Variants in ROBO2 observed in about 807,000 individuals in gnomAD.
The protein encoded by ROBO2 is roundabout homolog 2.
ROBO2 carries 53 observed loss-of-function variants against 160.8 expected under a neutral mutation model. The ratio of observed to expected loss-of-function variants is 0.33; its 90% CI spans 0.26 to 0.41. The LOEUF (loss-of-function observed/expected upper bound fraction) is 0.41, where lower values mean the gene tolerates loss of function less well. Among genes scored for constraint, ROBO2 ranks in the 10% least tolerant of loss-of-function variants. ROBO2 has a pLI of 1.00. For synonymous variants in ROBO2, 664 were observed against 611.7 expected, an observed-to-expected ratio of 1.09 and a Z score of -1.26; for missense variants, 1,577 against 1,722.4, an observed-to-expected ratio of 0.92 and a Z score of 1.49.
At chr3:76,511,496 G>C (rs2081087235) in intron 2 of ROBO2, among the ~76,000 whole-genome samples, 2 of 152,098 alleles carry the variant, frequency 1.3e-5, no homozygotes, top group South Asian at 4.1e-4. Context: ...CCCAAAATGT[G>C]GCTTTATTAA....
intron 2 of ROBO2, among the ~76,000 whole-genome samples, chr3:76,024,876 T>C (rs577246756): frequency 2.0e-5 from 3 of 151,390 alleles, no homozygotes; most frequent in Admixed American, 1.3e-4. Flanking sequence ...CAGCAATCTC[T>C]AAGCAGTGAC....
At chr3:76,663,147 C>G (rs2091895117) in intron 2 of ROBO2, among the ~76,000 whole-genome samples, 1 of 152,102 alleles carries the variant, frequency 6.6e-6, no homozygotes, top group Non-Finnish European at 1.5e-5. Flanking sequence ...AATAAAATAT[C>G]CTGGATGTGA....
At chr3:75,981,131 T>C (rs2065263288) in intron 2 of ROBO2, among the ~76,000 whole-genome samples, 1 of 151,528 alleles carries the variant, frequency 6.6e-6, no homozygotes, top group Non-Finnish European at 1.5e-5. Context: ...TTTTCTGTAT[T>C]ATGCAAGATT....
chr3:76,596,668 A>T (rs1050079270), intron 2 of ROBO2, among the ~76,000 whole-genome samples: 1 of 152,102 alleles, frequency 6.6e-6, no homozygotes, highest in Non-Finnish European at 1.5e-5. Context: ...GGTAGTAAGA[A>T]TATCACATTC....
At chr3:77,629,203 G>A (rs2095103568) in intron 23 of ROBO2, 1 of 152,188 alleles carries the variant, frequency 6.6e-6, no homozygotes, top group African/African-American at 2.4e-5. Flanking sequence ...GTTACCACAG[G>A]GAGATAAACA....
chr3:77,535,717 A>G (rs2092051823), intron 6 of ROBO2, among the ~76,000 whole-genome samples: 1 of 152,202 alleles, frequency 6.6e-6, no homozygotes, highest in South Asian at 2.1e-4. Context: ...CTGGTAAAGT[A>G]CAGAATAATA....
At chr3:76,813,932 C>G (rs2065427688) in intron 2 of ROBO2, among the ~76,000 whole-genome samples, 1 of 152,040 alleles carries the variant, frequency 6.6e-6, no homozygotes. Flanking sequence ...ATATAGCAAT[C>G]TTTTCAATAA....
intron 2 of ROBO2, among the ~76,000 whole-genome samples, chr3:75,964,032 G>C (rs537339000): frequency 6.6e-6 from 1 of 151,666 alleles, no homozygotes; most frequent in Admixed American, 6.6e-5. Flanking sequence ...GGGGAGCAGC[G>C]TTCAGCCCAT....
At chr3:77,081,257 T>C (rs2068622890) in intron 1 of ROBO2, among the ~76,000 whole-genome samples, 1 of 152,186 alleles carries the variant, frequency 6.6e-6, no homozygotes, top group Non-Finnish European at 1.5e-5. Flanking sequence ...TTCTTTACAA[T>C]CCAAGGGGCA....
At chr3:76,597,246 A>G (rs1169981077) in intron 2 of ROBO2, among the ~76,000 whole-genome samples, 1 of 150,370 alleles carries the variant, frequency 6.7e-6, no homozygotes, top group Non-Finnish European at 1.5e-5. Context: ...TTCATAAAAG[A>G]AAAAATTAAT....
intron 2 of ROBO2, among the ~76,000 whole-genome samples, chr3:77,423,427 C>T (rs2077893673): frequency 6.6e-6 from 1 of 152,090 alleles, no homozygotes; most frequent in Non-Finnish European, 1.5e-5. Flanking sequence ...TTAAAATAAA[C>T]AATTATTAAG....
chr3:77,349,304 T>C (rs191626257), intron 2 of ROBO2, among the ~76,000 whole-genome samples: 3 of 152,248 alleles, frequency 2.0e-5, no homozygotes, highest in African/African-American at 4.8e-5. Context: ...TTGCCCAGGG[T>C]CACAAAACTA....
chr3:76,429,538 A>G (rs562721258), intron 2 of ROBO2, among the ~76,000 whole-genome samples: 6 of 152,324 alleles, frequency 3.9e-5, no homozygotes, highest in Non-Finnish European at 7.4e-5. Context: ...TTTGGCATAC[A>G]TCAGAAAAAT....
rs1301913079 is a variant in ROBO2 at position 75,915,016 on chromosome 3, C to T, written c.-14+8056C>T. On this transcript the variant is annotated intron_variant, in intron 1 of 26. Transcript: ENST00000487694. ...TGGAAACAAGTGTGTGTGGACATAT[C>T]TTGGTATGAGTATAAGACTGTTGAT... 2.0e-5 allele frequency among the ~76,000 whole-genome samples: 3 copies of T among 152,312 alleles called. No homozygotes were observed. In the South Asian group the frequency reaches 6.2e-4, roughly 32 times the overall value.
chr3:76,947,264 C>G (rs2078615503), intron 2 of ROBO2, among the ~76,000 whole-genome samples: 1 of 151,832 alleles, frequency 6.6e-6, no homozygotes, highest in African/African-American at 2.4e-5. Flanking sequence ...TTAATTCTTT[C>G]TATAAAAAAA....
chr3:77,494,304 C>T (rs540767588), intron 5 of ROBO2, among the ~76,000 whole-genome samples: 3 of 152,060 alleles, frequency 2.0e-5, no homozygotes, highest in Non-Finnish European at 4.4e-5. Flanking sequence ...TGGCTGGGCA[C>T]GATGGCTGAC....
At chr3:76,265,364 T>G (rs1707035069) in intron 2 of ROBO2, among the ~76,000 whole-genome samples, 1 of 152,192 alleles carries the variant, frequency 6.6e-6, no homozygotes, top group African/African-American at 2.4e-5. Flanking sequence ...TTGTTTCTGT[T>G]GAACTGTAGT....
intron 2 of ROBO2, among the ~76,000 whole-genome samples, chr3:77,214,186 G>A (rs1271207874): frequency 1.3e-5 from 2 of 152,130 alleles, no homozygotes; most frequent in South Asian, 2.1e-4. Flanking sequence ...GGGTGTTAAA[G>A]TCTCCCATTA....
At chr3:76,233,086 C>A (rs913432741) in intron 2 of ROBO2, among the ~76,000 whole-genome samples, 17 of 152,040 alleles carry the variant, frequency 1.1e-4, no homozygotes, top group African/African-American at 3.9e-4. Flanking sequence ...TTCATTCTTT[C>A]TTATTTTATT....
Sources: gnomAD v4.1 joint callset for allele counts (sites outside exome capture counted in the v4.1 genomes callset) on GRCh38, gnomAD v4.1.1 for gene constraint, MANE v1.5 for transcripts, NCBI Gene and HGNC (gene_info 2026-07-23, HGNC 2026-07-21) for gene names.